Variants in MAPK10 observed in about 807,000 individuals in gnomAD.
MAPK10 encodes mitogen-activated protein kinase 10.
A neutral mutation model predicts 59.3 loss-of-function variants in MAPK10; 25 were observed. That is an observed-to-expected ratio of 0.42 (90% CI 0.31 to 0.59). MAPK10 has a LOEUF of 0.59. MAPK10 is among the 20% of genes least tolerant of loss of function. The pLI, the probability that MAPK10 is intolerant of heterozygous loss-of-function variation, is 0.15. For missense variants in MAPK10, 351 were observed against 568.9 expected, an observed-to-expected ratio of 0.62 and a Z score of 3.90; for synonymous variants, 190 against 200.5, an observed-to-expected ratio of 0.95 and a Z score of 0.44.
chr4:86,433,325 G>A (rs1027474233), intron 1 of MAPK10, among the ~76,000 whole-genome samples: 2 of 151,962 alleles, frequency 1.3e-5, no homozygotes, highest in Non-Finnish European at 2.9e-5. Context: ...GAGGTTTTAG[G>A]CCCTCCAGGA....
In MAPK10 at chr4:86,016,698, G is replaced by C. The variant is rs2148888472; in HGVS notation, c.*530C>G. The C allele has an allele frequency of 6.4e-6, 1 of 155,374 alleles. No homozygotes were observed. Among genetic ancestry groups the C allele is most frequent in the East Asian group, 1.9e-4 (1 of 5,222 alleles). 9.6% of individuals were successfully genotyped at this position (155,374 alleles called of 1,614,324 possible). A position where few individuals can be genotyped will look rare whatever the true frequency, so the allele number is the denominator to read the frequency against. Reference sequence around the variant, plus strand: ...ATGAAATGGACCATGTGGTACCCCAGTGCATTATGTCTTGGTAGAGCCCTG... The same window carrying C: ...ATGAAATGGACCATGTGGTACCCCACTGCATTATGTCTTGGTAGAGCCCTG... On this transcript the variant is annotated 3_prime_UTR_variant, in exon 14 of 14. Transcript: ENST00000641462.
upstream of MAPK10, among the ~76,000 whole-genome samples, chr4:86,454,898 A>C (rs1751098904): frequency 6.6e-6 from 1 of 152,226 alleles, no homozygotes; most frequent in African/African-American, 2.4e-5. Context: ...CAGGTAACCT[A>C]TAAAGGAAAA....
Position 86,141,137 on chromosome 4 carries a change from C to T in MAPK10, c.236+18161G>A, listed in dbSNP as rs149045833. ...TATTTGTGACTTAGGTTTTAAAAGGCCTTGTACCATGTTCTAAAGAGTTCA... is the reference window on the plus strand; with the variant it reads ...TATTTGTGACTTAGGTTTTAAAAGGTCTTGTACCATGTTCTAAAGAGTTCA... On this transcript the variant is annotated intron_variant, in intron 4 of 13. Transcript: ENST00000641462. 5.3e-5 allele frequency among the ~76,000 whole-genome samples: 8 copies of T among 152,250 alleles called. 1 individual carries two copies. In the East Asian group the frequency reaches 9.6e-4, roughly 18 times the overall value.
chr4:86,061,136 G>T (rs2045678246), intron 11 of MAPK10, among the ~76,000 whole-genome samples: 1 of 152,174 alleles, frequency 6.6e-6, no homozygotes, highest in Middle Eastern at 3.2e-3. Context: ...AAACTGAGTT[G>T]CAGAAAGGTT....
intron 2 of MAPK10, among the ~76,000 whole-genome samples, chr4:86,280,497 G>A (rs552800334): frequency 1.8e-4 from 28 of 152,312 alleles, no homozygotes; most frequent in African/African-American, 6.5e-4. Flanking sequence ...CTTATACCCT[G>A]TTGGAGGGAA....
rs568003198 is a variant in MAPK10 at position 86,274,933 on chromosome 4, T to A, written c.-7+79597A>T. Among the ~76,000 whole-genome samples, 4 of 152,088 alleles carry A rather than the reference T, an allele frequency of 2.6e-5. No homozygotes were observed. The South Asian group carries it at 8.3e-4, about 32-fold the overall frequency. Reference sequence around the variant, plus strand: ...AAGGAATTTGGCTTAGGGCTCTGACTCCCAAATTAAAATATTTTCCCAGTG... The same window carrying A: ...AAGGAATTTGGCTTAGGGCTCTGACACCCAAATTAAAATATTTTCCCAGTG... On this transcript the variant is annotated intron_variant, in intron 2 of 13. Transcript: ENST00000641462.
chr4:86,219,847 TG>T (rs1461309288), intron 2 of MAPK10: 2 of 152,174 alleles, frequency 1.3e-5, no homozygotes, highest in Non-Finnish European at 2.9e-5. Flanking sequence ...GTTATAGTTA[TG>T]GGCTGGTAAG....
At chr4:86,186,826 G>T (rs1317842684) in intron 3 of MAPK10, among the ~76,000 whole-genome samples, 1 of 152,038 alleles carries the variant, frequency 6.6e-6, no homozygotes, top group Non-Finnish European at 1.5e-5. Flanking sequence ...GTTTATGTAG[G>T]TGCCCTAGGG....
chr4:86,243,859 C>T (rs2092912762), intron 2 of MAPK10, among the ~76,000 whole-genome samples: 1 of 151,972 alleles, frequency 6.6e-6, no homozygotes, highest in African/African-American at 2.4e-5. Context: ...GCTTACCTCC[C>T]GAGCTCCTCC....
intron 2 of MAPK10, among the ~76,000 whole-genome samples, chr4:86,236,014 C>T (rs936286991): frequency 1.3e-5 from 2 of 152,134 alleles, no homozygotes; most frequent in African/African-American, 4.8e-5. Flanking sequence ...TGTTTGCTTG[C>T]CTTTTTCAGA....
chr4:86,258,456 T>C (rs986861790), intron 2 of MAPK10, among the ~76,000 whole-genome samples: 41 of 152,322 alleles, frequency 2.7e-4, no homozygotes, highest in Non-Finnish European at 5.4e-4. Context: ...ACTGTATCTA[T>C]AATTATGTTC....
chr4:86,214,325 A>G (rs1304373142), intron 2 of MAPK10, among the ~76,000 whole-genome samples: 2 of 152,208 alleles, frequency 1.3e-5, no homozygotes, highest in African/African-American at 4.8e-5. Flanking sequence ...ATCAGGAACA[A>G]GGTAAGGATG....
intron 1 of MAPK10, among the ~76,000 whole-genome samples, chr4:86,511,996 G>A (rs1756311475): frequency 6.7e-6 from 1 of 148,192 alleles, no homozygotes; most frequent in South Asian, 2.1e-4. Flanking sequence ...TGAAGAAACT[G>A]CTGAATTCAT....
chr4:86,356,245 A>G (rs893925590), intron 1 of MAPK10, among the ~76,000 whole-genome samples: 4 of 152,168 alleles, frequency 2.6e-5, no homozygotes, highest in African/African-American at 9.6e-5. Context: ...TTTCCATTGA[A>G]AACTTCAATT....
At chr4:86,358,252 T>C (rs1490353968) in intron 1 of MAPK10, 6 of 985,320 alleles carry the variant, frequency 6.1e-6, no homozygotes, top group Non-Finnish European at 7.2e-6. Context: ...GAAATGGTCC[T>C]TACTGCAACT....
At chr4:86,031,335 T>C in intron 12 of MAPK10, 33 bp downstream of exon 12, 1 of 1,452,572 alleles carries the variant, frequency 6.9e-7, no homozygotes, top group Non-Finnish European at 9.7e-7. Context: ...TTCAATAAAA[T>C]AAAAAGTATA....
At chr4:86,032,599 G>C (rs1422722729) in intron 11 of MAPK10, 1 of 152,150 alleles carries the variant, frequency 6.6e-6, no homozygotes, top group East Asian at 1.9e-4. Context: ...AAGATTTTCA[G>C]AGACAGCTTC....
chr4:86,455,255 A>G (rs766271008), upstream of MAPK10, among the ~76,000 whole-genome samples: 3 of 152,170 alleles, frequency 2.0e-5, no homozygotes, highest in African/African-American at 7.2e-5. Context: ...CAGGCAACAA[A>G]TAGCACAATG....
In MAPK10 at chr4:86,064,286, C is replaced by T; in HGVS notation, c.1090G>A (p.Asp364Asn). 6.2e-7 allele frequency: 1 copy of T among 1,614,140 alleles called. No homozygotes were observed. Among genetic ancestry groups the T allele is most frequent in the Non-Finnish European group, 8.5e-7 (1 of 1,180,024 alleles). ...CTTACCGCCTCCACTTCGGCTGGGT[C>T]ATACCAGACGTTGATGTAGGGATGC... ...LQHPYINVWY[D>N]PAEVEAPPPQ... is the part of the protein sequence containing the mutation. The change falls in exon 11 of 14, where the codon GAC becomes AAC. Residue 364 changes from aspartate (D) to asparagine (N), a missense_variant. Asp to Asn is a conservative substitution (Grantham distance 23, BLOSUM62 1). Transcript: ENST00000641462.
Sources: allele counts gnomAD v4.1 joint callset (sites outside exome capture counted in the v4.1 genomes callset), GRCh38; gene constraint gnomAD v4.1.1; transcripts MANE v1.5; gene names NCBI Gene and HGNC (gene_info 2026-07-23, HGNC 2026-07-21).